PIGV: variants seen among roughly 807,000 people sequenced by gnomAD.
The protein encoded by PIGV is GPI alpha-1,6-mannosyltransferase 2.
In PIGV, 27 loss-of-function variants were observed where a neutral mutation model predicts 39.2. That is an observed-to-expected ratio of 0.69 (90% CI 0.51 to 0.95). The LOEUF (loss-of-function observed/expected upper bound fraction) is 0.95. Among genes scored for constraint, PIGV ranks in the 40% least tolerant of loss-of-function variants. PIGV has a pLI of 0.00. For missense variants in PIGV, 523 were observed against 586.4 expected (o/e 0.89, Z 1.12); for synonymous variants, 232 against 241.7 (o/e 0.96, Z 0.37).
chr1:26,792,270 A>G (rs1281001784), intron 2 of PIGV, among the ~76,000 whole-genome samples: 2 of 150,648 alleles, frequency 1.3e-5, no homozygotes, highest in African/African-American at 2.4e-5. Context: ...CTCCCTCCTC[A>G]GGCTCTGAAG....
rs745507329 is a variant in PIGV, at chr1:26,797,629, G to A, written c.1267G>A (p.Asp423Asn). ...MYWFPAHLLQ[D>N]QEPLLRSLKT... ...CTGGTTTCCAGCTCACTTGCTTCAG[G>A]ATCAAGAGCCGCTGTTGAGATCCTT... The change falls in exon 4 of 4, where the codon GAT becomes AAT. Residue 423 changes from aspartate (D) to asparagine (N), a missense_variant. By Grantham distance (23) the Asp-to-Asn change is conservative. Transcript: ENST00000674202. 6.2e-7 allele frequency: 1 copy of A among 1,613,968 alleles called. No homozygotes were observed. Among genetic ancestry groups the A allele is most frequent in the African/African-American group, 1.3e-5 (1 of 74,898 alleles).
chr1:26,787,264 CCT>C (rs1326999194), upstream of PIGV, among the ~76,000 whole-genome samples: 2 of 151,940 alleles, frequency 1.3e-5, no homozygotes, highest in African/African-American at 4.8e-5. Flanking sequence ...GTTGAGTTCG[CCT>C]CTTTTTTTTT....
Position 26,794,121 on chromosome 1 carries a change from C to A in PIGV, c.87C>A (p.Phe29Leu). ...TTTTCTTTACTCCACAGGCCCTCTT[C>A]AATGCCATCATCCCAGATCACCATG... ...RILTLMLQALFNAIIPDHHAE... is the reference protein window; with the variant it reads ...RILTLMLQALLNAIIPDHHAE... Residue 29 changes from phenylalanine (F) to leucine (L), a missense_variant, in exon 3 of 4, where the codon TTC becomes TTA. Physicochemically the swap from Phe to Leu is conservative, Grantham distance 22. Transcript: ENST00000674202. The A allele has an allele frequency of 6.2e-7, 1 of 1,614,220 alleles. No homozygotes were observed. Among genetic ancestry groups the A allele is most frequent in the Non-Finnish European group, 8.5e-7 (1 of 1,180,024 alleles).
At chr1:26,792,315 T>C (rs993964425) in intron 2 of PIGV, among the ~76,000 whole-genome samples, 2 of 151,416 alleles carry the variant, frequency 1.3e-5, no homozygotes, top group Non-Finnish European at 1.5e-5. Context: ...CCAGCTAATT[T>C]TTGTATTTTT....
intron 3 of PIGV, among the ~76,000 whole-genome samples, chr1:26,796,164 ATTTTTTTTTTTTT>A (rs1226934532): frequency 8.0e-6 from 1 of 125,108 alleles, no homozygotes. Flanking sequence ...TCGGCCTGAG[ATTTTTTTTTTTTT>A]TTTTTTTTTG....
chr1:26,790,765 G>T lies in PIGV; in HGVS notation c.-51G>T, dbSNP rs1199890398. 1 of 1,466,190 alleles carries T rather than the reference G, an allele frequency of 6.8e-7. No homozygotes were observed. The allele number at this position is 1,466,190 out of a possible 1,614,324, so 90.8% of individuals were successfully genotyped here. ...TTCCTCCTTTGGGGTTTAGAGGCCT[G>T]AGGGAGCTCAATCCTGGTAGCAACA... On this transcript the variant is annotated 5_prime_UTR_variant, in exon 2 of 4. The change abolishes the stop of an existing upstream ORF in the 5' untranslated region. Transcript: ENST00000674202.
rs760475586 is a variant in PIGV, at chr1:26,797,781, C to G, written c.1419C>G (p.Gly473=). ...TCSPVTRYIL[G]YFLTYWLLGL... ...CTCCAGTCACACGATACATTCTAGG[C>G]TACTTCCTGACTTACTGGCTCCTGG... Residue 473 remains glycine, a synonymous_variant, in exon 4 of 4, where the codon GGC becomes GGG. Coordinates refer to ENST00000674202, the MANE Select transcript of PIGV (RefSeq NM_017837.4). 1 of 1,613,984 alleles carries G rather than the reference C, an allele frequency of 6.2e-7. No homozygotes were observed. Among genetic ancestry groups the G allele is most frequent in the East Asian group, 2.2e-5 (1 of 44,890 alleles).
chr1:26,794,896 G>A lies in PIGV; in HGVS notation c.862G>A (p.Ala288Thr). 6.2e-7 allele frequency: 1 copy of A among 1,614,204 alleles called. No individual in the cohort carries two copies. Among genetic ancestry groups the A allele is most frequent in the Non-Finnish European group, 8.5e-7 (1 of 1,180,038 alleles). Residue 288 changes from alanine to threonine, a missense_variant, in exon 3 of 4, where the codon GCA (alanine) becomes ACA (threonine). Transcript: ENST00000674202. Reference sequence around the variant, plus strand: ...AGCTGTAGACAAGGGCTACCGGATTGCAGAGGGAAATGAACCGCCTTGGTG... The same window carrying A: ...AGCTGTAGACAAGGGCTACCGGATTACAGAGGGAAATGAACCGCCTTGGTG... ...QLAVDKGYRI[A>T]EGNEPPWCFW... is the part of the protein sequence containing the mutation.
chr1:26,797,681 C>G lies in PIGV; in HGVS notation c.1319C>G (p.Ala440Gly). ...SLKTVPWKPL[A>G]EDSPPGQKVP... is the part of the protein sequence containing the mutation. ...AAGACTGTGCCTTGGAAGCCTCTTG[C>G]AGAGGACTCCCCACCAGGACAAAAG... Residue 440 changes from alanine (A) to glycine (G), a missense_variant, in exon 4 of 4, where the codon GCA becomes GGA. Physicochemically the swap from Ala to Gly is moderately conservative, Grantham distance 60. Coordinates refer to ENST00000674202, the MANE Select transcript of PIGV (RefSeq NM_017837.4). 1 of 1,614,140 alleles carries G rather than the reference C, an allele frequency of 6.2e-7. No homozygotes were observed. The highest frequency in any genetic ancestry group is 8.5e-7 in the Non-Finnish European group (1 of 1,179,968).
chr1:26,797,679 T>C lies in PIGV; in HGVS notation c.1317T>C (p.Leu439=), dbSNP rs959088580. The part of the protein sequence containing the change: ...RSLKTVPWKP[L]AEDSPPGQKV... ...TAAAGACTGTGCCTTGGAAGCCTCT[T>C]GCAGAGGACTCCCCACCAGGACAAA... is the stretch of plus-strand genomic sequence containing the variant. The change falls in exon 4 of 4, where the codon CTT becomes CTC. Residue 439 remains leucine (L), a synonymous_variant. Coordinates refer to ENST00000674202, the MANE Select transcript of PIGV (RefSeq NM_017837.4). 6.8e-6 allele frequency: 11 copies of C among 1,614,060 alleles called. No individual in the cohort carries two copies. Among genetic ancestry groups the C allele is most frequent in the Middle Eastern group, 1.6e-4 (1 of 6,084 alleles).
Position 26,795,145 on chromosome 1 carries a change from G to A in PIGV, c.1111G>A (p.Asp371Asn), listed in dbSNP as rs764074675. Residue 371 changes from aspartate (D) to asparagine (N), a missense_variant, in exon 3 of 4, where the codon GAT (aspartate) becomes AAT (asparagine). Physicochemically the swap from Asp to Asn is conservative, Grantham distance 23. Transcript: ENST00000674202. ...SKNNKTLEKP[D>N]LGFLSPQVFV... The stretch of plus-strand genomic sequence containing the variant: ...GAACAATAAGACCCTAGAGAAGCCC[G>A]ATCTTGGATTCCTCAGTCCTCAGGT... The A allele has an allele frequency of 3.1e-6, 5 of 1,614,054 alleles. No individual in the cohort carries two copies. In the South Asian group the frequency reaches 3.3e-5, roughly 11 times the overall value.
rs751810774 is a variant in PIGV at position 26,794,311 on chromosome 1, T to G, written c.277T>G (p.Leu93Val). ...HNFAFFPGFPLALLVGTELLR... is the reference protein window; with the variant it reads ...HNFAFFPGFPVALLVGTELLR... Reference sequence around the variant, plus strand: ...CTTTGCCTTCTTTCCTGGTTTCCCCTTGGCCCTGCTGGTGGGGACTGAACT... The same window carrying G: ...CTTTGCCTTCTTTCCTGGTTTCCCCGTGGCCCTGCTGGTGGGGACTGAACT... The change falls in exon 3 of 4, where the codon TTG becomes GTG. Residue 93 changes from leucine to valine, a missense_variant. Transcript: ENST00000674202. 5.0e-6 allele frequency: 8 copies of G among 1,614,204 alleles called. No homozygotes were observed. The highest frequency in any genetic ancestry group is 5.9e-6 in the Non-Finnish European group (7 of 1,179,988).
rs1330977790 is a variant in PIGV, at chr1:26,797,582, G to C, written c.1220G>C (p.Gly407Ala). ...MHVQVLTRFL[G>A]SSTPIMYWFP... ...TTCTAGGTTCTCACCAGGTTTTTGG[G>C]CTCCTCCACTCCTATTATGTACTGG... The change falls in exon 4 of 4, where the codon GGC (glycine) becomes GCC (alanine). Residue 407 changes from glycine (G) to alanine (A), a missense_variant. Gly to Ala is a moderately conservative substitution (Grantham distance 60). Coordinates refer to ENST00000674202, the MANE Select transcript of PIGV (RefSeq NM_017837.4). The C allele has an allele frequency of 1.9e-6, 3 of 1,613,902 alleles. No homozygotes were observed. Among genetic ancestry groups the C allele is most frequent in the Non-Finnish European group, 2.5e-6 (3 of 1,179,968 alleles).
intron 2 of PIGV, 132 bp from the exon 3 acceptor site, chr1:26,793,981 G>A: frequency 1.2e-6 from 1 of 826,600 alleles, no homozygotes; most frequent in Admixed American, 2.0e-5. Flanking sequence ...CTGGGTTCAA[G>A]TAATCCTCCC....
Position 26,794,392 on chromosome 1 carries a change from G to A in PIGV, c.358G>A (p.Ala120Thr). Reference protein sequence around the residue: ...SLRSCLLISVASLNFLFFMLA... With the variant: ...SLRSCLLISVTSLNFLFFMLA... Reference sequence around the variant, plus strand: ...ACGCAGTTGCCTGCTGATTTCGGTAGCATCACTCAATTTCTTGTTCTTCAT... The same window carrying A: ...ACGCAGTTGCCTGCTGATTTCGGTAACATCACTCAATTTCTTGTTCTTCAT... The change falls in exon 3 of 4, where the codon GCA becomes ACA. Residue 120 changes from alanine (A) to threonine (T), a missense_variant. Coordinates refer to ENST00000674202, the MANE Select transcript of PIGV (RefSeq NM_017837.4). 6.2e-7 allele frequency: 1 copy of A among 1,614,244 alleles called. No individual in the cohort carries two copies. The highest frequency in any genetic ancestry group is 8.5e-7 in the Non-Finnish European group (1 of 1,180,036).
rs564916341 is a variant in PIGV at position 26,798,074 on chromosome 1, T to C, written c.*230T>C. The C allele has an allele frequency of 3.8e-5, 21 of 559,962 alleles. No individual in the cohort carries two copies. Among genetic ancestry groups the C allele is most frequent in the Non-Finnish European group, 6.4e-5 (20 of 311,610 alleles). 34.7% of individuals were successfully genotyped at this position (559,962 alleles called of 1,614,324 possible). ...CAACTATTTTCTCTGTAAGTGAAGA[T>C]TGTCGTATTCCAAGTCTAAAATACA... On this transcript the variant is annotated 3_prime_UTR_variant, in exon 4 of 4. Coordinates refer to ENST00000674202, the MANE Select transcript of PIGV (RefSeq NM_017837.4).
At position 26,797,872 on chromosome 1, in the gene PIGV, G is replaced by A. The variant is rs778796263; in HGVS notation, c.*28G>A. ...TGGACTCTCCAGGGACAGGTTGGAA[G>A]CCAACTTAACCCAGGGGTCTGAAAG... On this transcript the variant is annotated 3_prime_UTR_variant, in exon 4 of 4. Transcript: ENST00000674202. 1.6e-5 allele frequency: 25 copies of A among 1,611,568 alleles called. No homozygotes were observed. The highest frequency in any genetic ancestry group is 2.0e-5 in the Non-Finnish European group (24 of 1,177,876).
chr1:26,791,180 C>T (rs949264275), intron 2 of PIGV, among the ~76,000 whole-genome samples: 4 of 152,168 alleles, frequency 2.6e-5, no homozygotes, highest in African/African-American at 7.2e-5. Context: ...TTTCCTAACT[C>T]CTGAGCTAGT....
intron 3 of PIGV, 126 bp downstream of exon 3, chr1:26,795,360 T>C (rs974798398): frequency 8.7e-7 from 1 of 1,155,896 alleles, no homozygotes; most frequent in Non-Finnish European, 1.3e-6. Context: ...TCAATGACTA[T>C]TTAGGGTTAT....
Sources: allele counts gnomAD v4.1 joint callset (sites outside exome capture counted in the v4.1 genomes callset), GRCh38; gene constraint gnomAD v4.1.1; transcripts MANE v1.5; gene names NCBI Gene and HGNC (gene_info 2026-07-23, HGNC 2026-07-21).